VWC2L: variants seen among roughly 807,000 people sequenced by gnomAD.
The protein encoded by VWC2L is von Willebrand factor C domain-containing protein 2-like.
Under a neutral mutation model 21.6 loss-of-function variants are expected in VWC2L, and 10 were observed. That is an observed-to-expected ratio of 0.46 (90% CI 0.29 to 0.78). VWC2L has a LOEUF of 0.78. Among genes scored for constraint, VWC2L ranks in the 30% least tolerant of loss-of-function variants. The pLI, the probability that VWC2L is intolerant of heterozygous loss-of-function variation, is 0.10. For missense variants in VWC2L, 209 were observed against 277.1 expected (o/e 0.75, Z 1.74); for synonymous variants, 96 against 94.3 (o/e 1.02, Z -0.10).
At chr2:214,533,154 C>A (rs543345028) in intron 3 of VWC2L, among the ~76,000 whole-genome samples, 1 of 152,066 alleles carries the variant, frequency 6.6e-6, no homozygotes, top group Non-Finnish European at 1.5e-5. Context: ...CTTAACCTTG[C>A]CATGCTCCAG....
chr2:214,460,750 T>C lies in VWC2L; in HGVS notation c.520+23992T>C, dbSNP rs138738813. Among the ~76,000 whole-genome samples, 631 of 152,336 alleles carry C rather than the reference T, an allele frequency of 4.1e-3. 13 individuals carry two copies. Among genetic ancestry groups the C allele is most frequent in the Admixed American group, 0.036 (548 of 15,298 alleles). On this transcript the variant is annotated intron_variant, in intron 3 of 3. Coordinates refer to ENST00000312504, the MANE Select transcript of VWC2L (RefSeq NM_001080500.4). ...TAATATCATTATTTTAAATTCTTTT[T>C]CAAGCATTTCATAAATTTTTCATTG...
chr2:214,553,196 C>T (rs766974853), intron 3 of VWC2L, among the ~76,000 whole-genome samples: 2 of 152,204 alleles, frequency 1.3e-5, no homozygotes, highest in Non-Finnish European at 2.9e-5. Context: ...CACAGAGCAA[C>T]AGAAGTGATC....
intron 3 of VWC2L, among the ~76,000 whole-genome samples, chr2:214,476,057 T>G (rs2126194963): frequency 6.6e-6 from 1 of 152,316 alleles, no homozygotes; most frequent in East Asian, 1.9e-4. Flanking sequence ...CTGCCCTTCT[T>G]TTGTCTCAAG....
chr2:214,524,225 T>G (rs75208954), intron 3 of VWC2L, among the ~76,000 whole-genome samples: 4,112 of 152,320 alleles, frequency 0.027, 179 homozygotes, highest in African/African-American at 0.092. Context: ...TACCTGTGTC[T>G]TGCCAACCTC....
chr2:214,412,379 T>C (rs774837452), intron 1 of VWC2L, among the ~76,000 whole-genome samples: 1 of 152,148 alleles, frequency 6.6e-6, no homozygotes, highest in African/African-American at 2.4e-5. Context: ...AAATATGTGA[T>C]GTATAAATGC....
chr2:214,422,299 T>TTGTGTG (rs112286362), intron 2 of VWC2L, among the ~76,000 whole-genome samples: 24 of 150,242 alleles, frequency 1.6e-4, no homozygotes, highest in African/African-American at 2.7e-4. Context: ...ATGCATTAAT[T>TTGTGTG]TGTGTGTGTG....
chr2:214,468,609 T>A (rs1343561273), intron 3 of VWC2L, among the ~76,000 whole-genome samples: 1 of 152,056 alleles, frequency 6.6e-6, no homozygotes, highest in African/African-American at 2.4e-5. Context: ...GGAAAAATTA[T>A]ATTGCAAGAA....
intron 3 of VWC2L, among the ~76,000 whole-genome samples, chr2:214,509,086 C>T (rs941793650): frequency 4.6e-5 from 7 of 152,068 alleles, no homozygotes; most frequent in Non-Finnish European, 7.4e-5. Flanking sequence ...CAGAGTTCCC[C>T]AGTGGGATTC....
chr2:214,422,078 C>G (rs1165943737), intron 2 of VWC2L, among the ~76,000 whole-genome samples: 1 of 150,650 alleles, frequency 6.6e-6, no homozygotes, highest in Non-Finnish European at 1.5e-5. Flanking sequence ...TTAGTAGAGA[C>G]GGGGTTTCAC....
chr2:214,501,080 G>A (rs1433264796), intron 3 of VWC2L, among the ~76,000 whole-genome samples: 2 of 152,112 alleles, frequency 1.3e-5, no homozygotes, highest in Non-Finnish European at 2.9e-5. Context: ...CAAGTTAGAG[G>A]GTGTGGTTTC....
intron 3 of VWC2L, among the ~76,000 whole-genome samples, chr2:214,535,881 G>A (rs1269601764): frequency 6.6e-6 from 1 of 151,810 alleles, no homozygotes; most frequent in Non-Finnish European, 1.5e-5. Flanking sequence ...TATAAGGCAG[G>A]CAATATATAC....
intron 2 of VWC2L, among the ~76,000 whole-genome samples, chr2:214,417,989 A>C (rs1702381527): frequency 6.6e-6 from 1 of 152,158 alleles, no homozygotes; most frequent in South Asian, 2.1e-4. Context: ...CAACCTCTCC[A>C]AATCCCTCAA....
chr2:214,435,128 C>T (rs1226748241), intron 2 of VWC2L, among the ~76,000 whole-genome samples: 1 of 152,140 alleles, frequency 6.6e-6, no homozygotes, highest in Non-Finnish European at 1.5e-5. Flanking sequence ...AGCAAAAGAG[C>T]AACAAGAGTT....
In VWC2L at chr2:214,538,239, A is replaced by G. The variant is rs1399624897; in HGVS notation, c.521-37433A>G. ...CTTCATGAACTGTTCATTCACTCAC[A>G]GACCTGGAAGCTGCTATCACTCTAC... is the stretch of plus-strand genomic sequence containing the variant. On this transcript the variant is annotated intron_variant, in intron 3 of 3. Transcript: ENST00000312504. Among the ~76,000 whole-genome samples the G allele has an allele frequency of 2.0e-5, 3 of 152,090 alleles. No homozygotes were observed. In the East Asian group the frequency reaches 5.8e-4, roughly 29 times the overall value.
At chr2:214,574,897 A>C (rs1299946236) in intron 3 of VWC2L, among the ~76,000 whole-genome samples, 2 of 152,116 alleles carry the variant, frequency 1.3e-5, no homozygotes, top group African/African-American at 4.8e-5. Context: ...AAAAATTTTT[A>C]AAAACCTGAA....
chr2:214,437,991 A>G (rs963534028), intron 3 of VWC2L, among the ~76,000 whole-genome samples: 20 of 151,980 alleles, frequency 1.3e-4, no homozygotes, highest in African/African-American at 4.8e-4. Flanking sequence ...CCTTTCTCCA[A>G]TCTACCTGTC....
At chr2:214,494,298 G>T (rs1300228715) in intron 3 of VWC2L, among the ~76,000 whole-genome samples, 1 of 152,130 alleles carries the variant, frequency 6.6e-6, no homozygotes, top group African/African-American at 2.4e-5. Flanking sequence ...ATAGACATGA[G>T]TCCTTCTCAA....
intron 3 of VWC2L, among the ~76,000 whole-genome samples, chr2:214,441,314 TAAGAA>T (rs1025752865): frequency 2.6e-5 from 4 of 151,266 alleles, no homozygotes; most frequent in African/African-American, 9.7e-5. Context: ...TTAAAATAAA[TAAGAA>T]AGGAAAACGA....
In VWC2L at chr2:214,411,767, T is replaced by A. The variant is rs1702273776; in HGVS notation, c.-100T>A. On this transcript the variant is annotated 5_prime_UTR_variant, in exon 1 of 4. Coordinates refer to ENST00000312504, the MANE Select transcript of VWC2L (RefSeq NM_001080500.4). ...TGGGCTGTGACCCCTACCACCACCATTAACCTCCAGAGTGATTAGGTAAGT... is the reference window on the plus strand; with the variant it reads ...TGGGCTGTGACCCCTACCACCACCAATAACCTCCAGAGTGATTAGGTAAGT... 6.6e-6 allele frequency: 1 copy of A among 152,194 alleles called. No individual in the cohort carries two copies. 9.4% of individuals were successfully genotyped at this position (152,194 alleles called of 1,614,324 possible).
Sources: gnomAD v4.1 joint callset for allele counts (sites outside exome capture counted in the v4.1 genomes callset) on GRCh38, gnomAD v4.1.1 for gene constraint, MANE v1.5 for transcripts, NCBI Gene and HGNC (gene_info 2026-07-23, HGNC 2026-07-21) for gene names.